The following INPP4B variants were observed in gnomAD, a reference collection of about 807,000 sequenced individuals.
The protein encoded by INPP4B is inositol polyphosphate 4-phosphatase type II.
A neutral mutation model predicts 122.5 loss-of-function variants in INPP4B; 55 were observed. That is an observed-to-expected ratio of 0.45 (90% CI 0.36 to 0.56). INPP4B has a LOEUF of 0.56. Among genes scored for constraint, INPP4B ranks in the 20% least tolerant of loss-of-function variants. The probability of loss-of-function intolerance (pLI) is 0.00; values close to 1 mark genes in which losing one functional copy is unlikely to be tolerated. For synonymous variants in INPP4B, 403 were observed against 388.7 expected (o/e 1.04, Z -0.43); for missense variants, 1,000 against 1,097.7 (o/e 0.91, Z 1.26).
intron 1 of INPP4B, among the ~76,000 whole-genome samples, chr4:142,822,580 G>T (rs1046636324): frequency 2.0e-5 from 3 of 152,138 alleles, no homozygotes; most frequent in Non-Finnish European, 4.4e-5. Context: ...ATGCCTGAAG[G>T]TCTGAGGTGG....
At chr4:142,654,608 G>GT (rs1228349907) in intron 2 of INPP4B, 1 of 151,910 alleles carries the variant, frequency 6.6e-6, no homozygotes, top group Non-Finnish European at 1.5e-5. Context: ...TTCCTTTTCC[G>GT]TATGCTTCTG....
intron 25 of INPP4B, among the ~76,000 whole-genome samples, chr4:142,062,736 C>T (rs1036830526): frequency 7.1e-6 from 1 of 139,952 alleles, no homozygotes; most frequent in Non-Finnish European, 1.6e-5. Context: ...ACTCCGTCCC[C>T]CCGCAAAAAC....
intron 1 of INPP4B, among the ~76,000 whole-genome samples, chr4:142,739,226 A>G (rs1438471539): frequency 2.0e-5 from 3 of 152,126 alleles, no homozygotes; most frequent in African/African-American, 7.2e-5. Context: ...TCACTGTTTT[A>G]ACGAAATTCT....
At chr4:142,374,128 T>C (rs1286976324) in intron 7 of INPP4B, among the ~76,000 whole-genome samples, 2 of 151,904 alleles carry the variant, frequency 1.3e-5, no homozygotes, top group Non-Finnish European at 2.9e-5. Context: ...ATTATCTCAT[T>C]TTGTCCTTAC....
chr4:142,758,952 C>CA (rs374234375), intron 1 of INPP4B, among the ~76,000 whole-genome samples: 18,296 of 96,534 alleles, frequency 0.19, 1,312 homozygotes, highest in East Asian at 0.26. Context: ...GACTCAGTCT[C>CA]AAAAAAAAAA....
Position 142,383,945 on chromosome 4 carries a change from G to A in INPP4B, c.372+18993C>T. On this transcript the variant is annotated intron_variant, in intron 7 of 25. Coordinates refer to ENST00000262992, the MANE Select transcript of INPP4B (RefSeq NM_001101669.3). ...CCAGCTATTTCACAAGAAAACTGTT[G>A]TGTCTCATTAAGTTACCATCGTGCA... 6.7e-6 allele frequency: 4 copies of A among 601,304 alleles called. No homozygotes were observed. The South Asian group carries it at 8.6e-5, about 13-fold the overall frequency. 37.2% of individuals were successfully genotyped at this position (601,304 alleles called of 1,614,324 possible). A position where few individuals can be genotyped will look rare whatever the true frequency, so the allele number is the denominator to read the frequency against.
chr4:142,740,827 T>C (rs1767793411), intron 1 of INPP4B, among the ~76,000 whole-genome samples: 1 of 152,084 alleles, frequency 6.6e-6, no homozygotes, highest in African/African-American at 2.4e-5. Context: ...CTTTGTTTTC[T>C]ACAGTTTATA....
intron 2 of INPP4B, among the ~76,000 whole-genome samples, chr4:142,681,975 T>C (rs533725334): frequency 2.0e-5 from 3 of 152,038 alleles, no homozygotes; most frequent in Admixed American, 2.0e-4. Context: ...TGCAATTCTT[T>C]TCCTCTTCAA....
At chr4:142,318,813 G>A (rs1393248670) in intron 7 of INPP4B, among the ~76,000 whole-genome samples, 5 of 152,112 alleles carry the variant, frequency 3.3e-5, no homozygotes, top group Non-Finnish European at 5.9e-5. Context: ...AGCATACAGT[G>A]GGTTATTCTC....
chr4:142,756,322 G>A (rs1489220572), intron 1 of INPP4B, among the ~76,000 whole-genome samples: 2 of 152,164 alleles, frequency 1.3e-5, no homozygotes, highest in African/African-American at 4.8e-5. Context: ...TTAGAAAACT[G>A]CGGCGTTAAC....
intron 2 of INPP4B, among the ~76,000 whole-genome samples, chr4:142,536,533 T>C (rs1341318264): frequency 6.6e-6 from 1 of 152,188 alleles, no homozygotes; most frequent in Non-Finnish European, 1.5e-5. Flanking sequence ...GCAAAATTGT[T>C]ATTTTCTCAA....
intron 25 of INPP4B, among the ~76,000 whole-genome samples, chr4:142,038,359 T>C (rs899885560): frequency 1.3e-5 from 2 of 152,184 alleles, no homozygotes; most frequent in African/African-American, 2.4e-5. Context: ...GAATATATTA[T>C]GTTAATCACA....
intron 11 of INPP4B, among the ~76,000 whole-genome samples, chr4:142,243,721 C>A (rs1483154850): frequency 6.6e-6 from 1 of 152,096 alleles, no homozygotes; most frequent in Non-Finnish European, 1.5e-5. Flanking sequence ...GGCTGGAATT[C>A]ATCAGGACTC....
intron 23 of INPP4B, among the ~76,000 whole-genome samples, chr4:142,105,454 CAAATATAACAGAATTAGA>C (rs1335369450): frequency 2.0e-5 from 3 of 152,074 alleles, no homozygotes; most frequent in Middle Eastern, 6.8e-3. Flanking sequence ...AAAATTGCTA[CAAATATAACAGAATTAGA>C]AGACATTTTG....
chr4:142,227,128 G>T, intron 12 of INPP4B, among the ~76,000 whole-genome samples: 1 of 152,094 alleles, frequency 6.6e-6, no homozygotes, highest in East Asian at 1.9e-4. Context: ...GGATGCAACT[G>T]ATTACAAAGG....
intron 25 of INPP4B, among the ~76,000 whole-genome samples, chr4:142,037,323 T>C (rs1744599644): frequency 6.6e-6 from 1 of 152,160 alleles, no homozygotes; most frequent in Non-Finnish European, 1.5e-5. Context: ...TTTGCTTATT[T>C]CACTTTCTTT....
Position 142,120,338 on chromosome 4 carries a change from T to C in INPP4B, c.2135+1790A>G, listed in dbSNP as rs568122446. ...TGGGTCCTTTGCATTTACATATAAA[T>C]TTTAGGTTAGGCTTGCCAATTTCTG... On this transcript the variant is annotated intron_variant, in intron 21 of 25. Coordinates refer to ENST00000262992, the MANE Select transcript of INPP4B (RefSeq NM_001101669.3). Among the ~76,000 whole-genome samples, 36 of 152,184 alleles carry C rather than the reference T, an allele frequency of 2.4e-4. 1 individual carries two copies. Among genetic ancestry groups the C allele is most frequent in the Non-Finnish European group, 4.7e-4 (32 of 67,988 alleles).
At chr4:142,055,091 A>G (rs908549214) in intron 25 of INPP4B, among the ~76,000 whole-genome samples, 2 of 152,084 alleles carry the variant, frequency 1.3e-5, no homozygotes, top group African/African-American at 2.4e-5. Context: ...ATGTTAAGTC[A>G]CTATTTTAAT....
At chr4:142,229,617 A>G (rs1248560036) in intron 12 of INPP4B, among the ~76,000 whole-genome samples, 1 of 152,130 alleles carries the variant, frequency 6.6e-6, no homozygotes, top group African/African-American at 2.4e-5. Context: ...GGACCAAGCA[A>G]CTCTCAAGTG....
Sources: allele counts gnomAD v4.1 joint callset (sites outside exome capture counted in the v4.1 genomes callset), GRCh38; gene constraint gnomAD v4.1.1; transcripts MANE v1.5; gene names NCBI Gene and HGNC (gene_info 2026-07-23, HGNC 2026-07-21).